The following BAHCC1 variants were observed in gnomAD, a reference collection of about 807,000 sequenced individuals.
The protein encoded by BAHCC1 is BAH and coiled-coil domain-containing protein 1.
In BAHCC1, 43 loss-of-function variants were observed where a neutral mutation model predicts 88.2. That is an observed-to-expected ratio of 0.49 (90% CI 0.38 to 0.63). BAHCC1 has a LOEUF of 0.63. Ranked by LOEUF, BAHCC1 falls within the 20% of genes least tolerant of loss-of-function variation. The pLI is 0.00. For synonymous variants in BAHCC1, 1,510 were observed against 745.5 expected (o/e 2.03, Z -16.71); for missense variants, 3,023 against 1,654.8 (o/e 1.83, Z -14.34).
chr17:81,397,601 G>C (rs1555645126), intron 1 of BAHCC1, among the ~76,000 whole-genome samples: 1 of 151,976 alleles, frequency 6.6e-6, no homozygotes, highest in African/African-American at 2.4e-5. Flanking sequence ...GGGAGGCGCC[G>C]GCCGGGGCTG....
intron 2 of BAHCC1, among the ~76,000 whole-genome samples, chr17:81,425,674 G>A (rs1261282768): frequency 1.6e-4 from 4 of 24,544 alleles, no homozygotes; most frequent in Admixed American, 8.1e-4. Context: ...GGTGGTGATG[G>A]TGGGTGATGT....
chr17:81,416,252 A>G (rs1386894106), intron 2 of BAHCC1, among the ~76,000 whole-genome samples: 21 of 64,514 alleles, frequency 3.3e-4, no homozygotes, highest in South Asian at 1.1e-3. Context: ...GCGTGTGTGT[A>G]CGTGTGTGTG....
intron 3 of BAHCC1, among the ~76,000 whole-genome samples, chr17:81,428,613 C>T (rs1328333875): frequency 6.6e-6 from 1 of 152,180 alleles, no homozygotes; most frequent in Non-Finnish European, 1.5e-5. Context: ...ACCCCAGCAG[C>T]AAGGAGGGCC....
rs1555655758 is a variant in BAHCC1 at position 81,451,621 on chromosome 17, C to T, written c.3977-47C>T. ...GCTGACATCAAGAGCCTGTGAGGGG[C>T]AGTGTGTGCCCAGTTATGCCCATGC... On this transcript the variant is annotated intron_variant, in intron 11 of 27. Transcript: ENST00000675386. 4.1e-6 allele frequency: 3 copies of T among 740,476 alleles called. No homozygotes were observed. The African/African-American group carries it at 5.1e-5, about 13-fold the overall frequency. The allele number at this position is 740,476 out of a possible 1,614,324, so 45.9% of individuals were successfully genotyped here.
chr17:81,414,752 C>T (rs1555648343), intron 2 of BAHCC1, among the ~76,000 whole-genome samples: 6 of 152,326 alleles, frequency 3.9e-5, no homozygotes, highest in African/African-American at 1.4e-4. Flanking sequence ...ACAGCCTCAC[C>T]ACGTGTCCCC....
At position 81,464,180 on chromosome 17, in the gene BAHCC1, GGT is replaced by G. The variant is rs1433494263; in HGVS notation, c.*368_*369del. 1 of 352,676 alleles carries G rather than the reference GGT, an allele frequency of 2.8e-6. No homozygotes were observed. Among genetic ancestry groups the G allele is most frequent in the African/African-American group, 2.0e-5 (1 of 48,796 alleles). 21.8% of individuals were successfully genotyped at this position (352,676 alleles called of 1,614,324 possible). ...CTCCCACCAGGGAAAGCAGAAATCAGGTGTGTTGTCTATTTATTTCTCTATGT... is the reference window on the plus strand; with the variant it reads ...CTCCCACCAGGGAAAGCAGAAATCAGGTGTTGTCTATTTATTTCTCTATGT... On this transcript the variant is annotated 3_prime_UTR_variant, in exon 28 of 28. Coordinates refer to ENST00000675386, the MANE Select transcript of BAHCC1 (RefSeq NM_001377448.1).
chr17:81,426,696 G>A (rs2064204061), intron 2 of BAHCC1, 104 bp from the exon 3 acceptor site: 1 of 398,302 alleles, frequency 2.5e-6, no homozygotes, highest in Non-Finnish European at 4.4e-6. Context: ...GGAGATTGGG[G>A]CCTGAGAGTC....
Position 81,460,545 on chromosome 17 carries a change from C to T in BAHCC1, c.6041C>T (p.Pro2014Leu). ...CTATCCACAGGCACAGAGCCCTCTC[C>T]AGCCCTGCTAGTGTCTAGCAGCTGC... ...DFKIQCTEPS[P>L]ALLVSSSCRR... Residue 2014 changes from proline to leucine, a missense_variant, in exon 25 of 28, where the codon CCA becomes CTA. By Grantham distance (98) the Pro-to-Leu change is moderately conservative. Coordinates refer to ENST00000675386, the MANE Select transcript of BAHCC1 (RefSeq NM_001377448.1). 1 of 758,036 alleles carries T rather than the reference C, an allele frequency of 1.3e-6. No individual in the cohort carries two copies. The highest frequency in any genetic ancestry group is 1.4e-5 in the South Asian group (1 of 71,018). 47.0% of individuals were successfully genotyped at this position (758,036 alleles called of 1,614,324 possible).
chr17:81,460,587 TATCCAGTGA>T lies in BAHCC1; in HGVS notation c.6084_6092del (p.Ser2029_Glu2031del). 1 of 769,044 alleles carries T rather than the reference TATCCAGTGA, an allele frequency of 1.3e-6. No homozygotes were observed. The highest frequency in any genetic ancestry group is 2.4e-6 in the Non-Finnish European group (1 of 413,114). The allele number at this position is 769,044 out of a possible 1,614,324, so 47.6% of individuals were successfully genotyped here. A position where few individuals can be genotyped will look rare whatever the true frequency, so the allele number is the denominator to read the frequency against. ...AGCAGCTGCCGGAGGACCAAGAAGGTATCCAGTGAGGCACCCCCGCCTAGTGAAGCCGCC... is the reference window on the plus strand; with the variant it reads ...AGCAGCTGCCGGAGGACCAAGAAGGTGGCACCCCCGCCTAGTGAAGCCGCC... On this transcript the variant is annotated inframe_deletion, in exon 25 of 28. Transcript: ENST00000675386.
intron 2 of BAHCC1, chr17:81,415,484 CA>C: frequency 2.0e-6 from 1 of 506,210 alleles, no homozygotes; most frequent in Non-Finnish European, 3.9e-6. Context: ...CCAGCTGTAC[CA>C]AAAGCAGTTG....
At chr17:81,462,699 C>A (rs782348286) in intron 26 of BAHCC1, 41 bp from the exon 27 acceptor site, 1 of 722,334 alleles carries the variant, frequency 1.4e-6, no homozygotes, top group Non-Finnish European at 2.6e-6. Context: ...TCCCCACAGC[C>A]CCCCGGCCTC....
rs1555658867 is a variant in BAHCC1, at chr17:81,460,582, G to A, written c.6078G>A (p.Lys2026=). 1.3e-6 allele frequency: 1 copy of A among 770,024 alleles called. No individual in the cohort carries two copies. The highest frequency in any genetic ancestry group is 1.4e-5 in the South Asian group (1 of 73,092). The allele number at this position is 770,024 out of a possible 1,614,324, so 47.7% of individuals were successfully genotyped here. ...LLVSSSCRRT[K]KVSSEAPPPS... ...TGTCTAGCAGCTGCCGGAGGACCAA[G>A]AAGGTATCCAGTGAGGCACCCCCGC... The change falls in exon 25 of 28, where the codon AAG becomes AAA. Residue 2026 remains lysine, a synonymous_variant. Coordinates refer to ENST00000675386, the MANE Select transcript of BAHCC1 (RefSeq NM_001377448.1).
At chr17:81,397,111 G>C (rs1290466918) in intron 1 of BAHCC1, 2 of 152,202 alleles carry the variant, frequency 1.3e-5, no homozygotes, top group South Asian at 2.1e-4. Context: ...CCCGAAGCCC[G>C]GCGCGGGCAG....
rs1555659940 is a variant in BAHCC1, at chr17:81,462,989, C to A, written c.7620+13C>A. The stretch of plus-strand genomic sequence containing the variant: ...GTGCGACGGCAAGGTGAGGCCCGGA[C>A]AGGTGTGGGGCCCAGCCCCCCTCGG... On this transcript the variant is annotated intron_variant, in intron 27 of 27. Coordinates refer to ENST00000675386, the MANE Select transcript of BAHCC1 (RefSeq NM_001377448.1). 2 of 778,046 alleles carry A rather than the reference C, an allele frequency of 2.6e-6. No individual in the cohort carries two copies. The highest frequency in any genetic ancestry group is 1.7e-5 in the African/African-American group (1 of 59,050). The allele number at this position is 778,046 out of a possible 1,614,324, so 48.2% of individuals were successfully genotyped here. A position where few individuals can be genotyped will look rare whatever the true frequency, so the allele number is the denominator to read the frequency against.
rs1024864399 is a variant in BAHCC1 at position 81,435,784 on chromosome 17, G to A, written c.359-2586G>A. 2.0e-5 allele frequency among the ~76,000 whole-genome samples: 3 copies of A among 150,568 alleles called. No homozygotes were observed. The highest frequency in any genetic ancestry group is 6.6e-5 in the Admixed American group (1 of 15,172). On this transcript the variant is annotated intron_variant, in intron 3 of 27. Coordinates refer to ENST00000675386, the MANE Select transcript of BAHCC1 (RefSeq NM_001377448.1). This position sits in a 1 kb window ranked among gnomAD's most constrained non-coding sequence, Gnocchi z 4.4. ...CCTTCCAGGATGCCTGTGTGTCCCC[G>A]GCCCGGCCGCAGCAGCCCTGCCTTC...
intron 16 of BAHCC1, 77 bp downstream of exon 16, chr17:81,456,662 G>A (rs1319282386): frequency 1.6e-6 from 1 of 642,548 alleles, no homozygotes; most frequent in Non-Finnish European, 2.8e-6. Flanking sequence ...GGGGCGGCAG[G>A]TTCATGGCCG....
Position 81,460,361 on chromosome 17 carries a change from A to G in BAHCC1, c.5990A>G (p.Asn1997Ser). Reference sequence around the variant, plus strand: ...GATACAGGCCACATCGCCGTCTCCAACGTCAGGCTGCTGCCCCCTGACTTC... The same window carrying G: ...GATACAGGCCACATCGCCGTCTCCAGCGTCAGGCTGCTGCCCCCTGACTTC... ...DGDTGHIAVS[N>S]VRLLPPDFKI... The change falls in exon 24 of 28, where the codon AAC (asparagine) becomes AGC (serine). Residue 1997 changes from asparagine (N) to serine (S), a missense_variant. Asn to Ser is a conservative substitution (Grantham distance 46). Coordinates refer to ENST00000675386, the MANE Select transcript of BAHCC1 (RefSeq NM_001377448.1). 4 of 773,536 alleles carry G rather than the reference A, an allele frequency of 5.2e-6. No individual in the cohort carries two copies. Among genetic ancestry groups the G allele is most frequent in the East Asian group, 2.4e-5 (1 of 40,906 alleles). The allele number at this position is 773,536 out of a possible 1,614,324, so 47.9% of individuals were successfully genotyped here. A position where few individuals can be genotyped will look rare whatever the true frequency, so the allele number is the denominator to read the frequency against.
Position 81,451,664 on chromosome 17 carries a change from A to C in BAHCC1, c.3977-4A>C. 2 of 774,604 alleles carry C rather than the reference A, an allele frequency of 2.6e-6. No homozygotes were observed. The highest frequency in any genetic ancestry group is 1.7e-5 in the Admixed American group (1 of 58,898). The allele number at this position is 774,604 out of a possible 1,614,324, so 48.0% of individuals were successfully genotyped here. A position where few individuals can be genotyped will look rare whatever the true frequency, so the allele number is the denominator to read the frequency against. ...GCCCATGCTGACCTTCCCATGCCGC[A>C]CAGAGGAGGAAGAGGACGTGCTAGC... On this transcript the variant is annotated splice_polypyrimidine_tract_variant and splice_region_variant and intron_variant, in intron 11 of 27. Transcript: ENST00000675386.
Position 81,435,675 on chromosome 17 carries a change from A to G in BAHCC1, c.359-2695A>G, listed in dbSNP as rs1555651633. ...AGCCCTCTTGGTCTCTGGCCCCGGA[A>G]TGTCCCCTCCCTGCCATCTGGGGCC... On this transcript the variant is annotated intron_variant, in intron 3 of 27. Coordinates refer to ENST00000675386, the MANE Select transcript of BAHCC1 (RefSeq NM_001377448.1). This position sits in a 1 kb window ranked among gnomAD's most constrained non-coding sequence, Gnocchi z 4.4. Among the ~76,000 whole-genome samples, 1 of 152,020 alleles carries G rather than the reference A, an allele frequency of 6.6e-6. No individual in the cohort carries two copies. The highest frequency in any genetic ancestry group is 2.4e-5 in the African/African-American group (1 of 41,362).
Sources: allele counts gnomAD v4.1 joint callset (sites outside exome capture counted in the v4.1 genomes callset), GRCh38; gene constraint gnomAD v4.1.1; non-coding constraint Gnocchi (gnomAD v3.1); transcripts MANE v1.5; gene names NCBI Gene and HGNC (gene_info 2026-07-23, HGNC 2026-07-21).